Variants in STXBP5L observed in about 807,000 individuals in gnomAD.
The protein encoded by STXBP5L is syntaxin binding protein 5L.
Under a neutral mutation model 144.5 loss-of-function variants are expected in STXBP5L, and 65 were observed. That is an observed-to-expected ratio of 0.45 (90% CI 0.37 to 0.55). The LOEUF (loss-of-function observed/expected upper bound fraction) is 0.55, where lower values mean the gene tolerates loss of function less well. Among genes scored for constraint, STXBP5L ranks in the 20% least tolerant of loss-of-function variants. The pLI is 0.00. For missense variants in STXBP5L, 1,298 were observed against 1,405.5 expected (o/e 0.92, Z 1.22); for synonymous variants, 505 against 469.6 (o/e 1.08, Z -0.97).
At chr3:120,918,215 C>G (rs936478602) in intron 2 of STXBP5L, among the ~76,000 whole-genome samples, 1 of 152,156 alleles carries the variant, frequency 6.6e-6, no homozygotes, top group Non-Finnish European at 1.5e-5. Context: ...ACATTGGGCC[C>G]ACCAGGATAA....
chr3:121,125,003 GATT>G (rs2044640349), intron 7 of STXBP5L, among the ~76,000 whole-genome samples: 3 of 152,038 alleles, frequency 2.0e-5, no homozygotes, highest in African/African-American at 4.8e-5. Flanking sequence ...CATGTATCAA[GATT>G]ATTATTTCTT....
At chr3:121,299,332 G>A (rs142127444) in intron 19 of STXBP5L, among the ~76,000 whole-genome samples, 4 of 152,188 alleles carry the variant, frequency 2.6e-5, no homozygotes, top group Admixed American at 2.0e-4. Context: ...GAGGATAAAG[G>A]TTTCATATTC....
intron 9 of STXBP5L, chr3:121,158,747 T>C (rs1233733052): frequency 6.6e-6 from 1 of 152,214 alleles, no homozygotes; most frequent in Admixed American, 6.5e-5. Context: ...CCAATACTCA[T>C]GCCTTTTATA....
chr3:121,341,964 A>G (rs2044729741), intron 20 of STXBP5L, among the ~76,000 whole-genome samples: 1 of 152,146 alleles, frequency 6.6e-6, no homozygotes, highest in South Asian at 2.1e-4. Context: ...AATTTATTGT[A>G]TATTTTAGAA....
At chr3:121,032,552 A>G (rs1397053183) in intron 3 of STXBP5L, among the ~76,000 whole-genome samples, 6 of 150,350 alleles carry the variant, frequency 4.0e-5, no homozygotes, top group Non-Finnish European at 8.9e-5. Flanking sequence ...AATGGCAACA[A>G]AAGCCAAAAT....
intron 22 of STXBP5L, among the ~76,000 whole-genome samples, chr3:121,390,095 GA>G (rs1219642247): frequency 1.3e-5 from 2 of 152,120 alleles, no homozygotes; most frequent in Non-Finnish European, 2.9e-5. Flanking sequence ...ATATATTTAG[GA>G]AAGTTAGCTC....
intron 3 of STXBP5L, among the ~76,000 whole-genome samples, chr3:121,007,371 GTTA>G (rs1413338187): frequency 6.6e-6 from 1 of 151,858 alleles, no homozygotes; most frequent in Non-Finnish European, 1.5e-5. Flanking sequence ...GGCTGGTGTA[GTTA>G]TTAATAAAAT....
chr3:120,970,566 TATG>T (rs1393416627), intron 3 of STXBP5L, among the ~76,000 whole-genome samples: 1 of 152,142 alleles, frequency 6.6e-6, no homozygotes, highest in Non-Finnish European at 1.5e-5. Context: ...TGCTGTTCAA[TATG>T]ATGTTTCTTT....
chr3:121,254,095 A>G (rs2050130666), intron 15 of STXBP5L, among the ~76,000 whole-genome samples: 1 of 152,058 alleles, frequency 6.6e-6, no homozygotes, highest in African/African-American at 2.4e-5. Flanking sequence ...CAGGCCGGTT[A>G]TTTTATAGAA....
rs1308363157 is a variant in STXBP5L, at chr3:121,206,935, T to A, written c.956+934T>A. On this transcript the variant is annotated intron_variant, in intron 10 of 26. Coordinates refer to ENST00000471454, the MANE Select transcript of STXBP5L (RefSeq NM_001308330.2). ...ATAAATCTTGCCTAAACATTAAATTTATTTTAATTCAAATTAAATAATCCT... is the reference window on the plus strand; with the variant it reads ...ATAAATCTTGCCTAAACATTAAATTAATTTTAATTCAAATTAAATAATCCT... 4.6e-5 allele frequency among the ~76,000 whole-genome samples: 7 copies of A among 152,354 alleles called. No homozygotes were observed. The South Asian group carries it at 1.5e-3, about 32-fold the overall frequency.
At chr3:121,252,644 C>T (rs750566637) in intron 15 of STXBP5L, among the ~76,000 whole-genome samples, 20 of 152,150 alleles carry the variant, frequency 1.3e-4, no homozygotes, top group Non-Finnish European at 2.5e-4. Context: ...CTGTCTAATA[C>T]AGAAAGCAAA....
intron 5 of STXBP5L, among the ~76,000 whole-genome samples, chr3:121,107,046 A>G (rs556972749): frequency 1.3e-5 from 2 of 150,708 alleles, no homozygotes; most frequent in African/African-American, 4.9e-5. Context: ...TTATCTTTGG[A>G]GAAGTTTCTG....
At chr3:121,183,570 A>G (rs910300864) in intron 9 of STXBP5L, among the ~76,000 whole-genome samples, 2 of 151,568 alleles carry the variant, frequency 1.3e-5, no homozygotes, top group Non-Finnish European at 1.5e-5. Flanking sequence ...ACAAAGAGAG[A>G]AAGAAAAATT....
chr3:120,978,496 T>A (rs1287899554), intron 3 of STXBP5L, among the ~76,000 whole-genome samples: 1 of 152,214 alleles, frequency 6.6e-6, no homozygotes, highest in African/African-American at 2.4e-5. Flanking sequence ...TTGAATTTCC[T>A]CCTGTAGCTC....
chr3:121,364,115 T>C (rs1473002407), intron 20 of STXBP5L, among the ~76,000 whole-genome samples: 1 of 152,206 alleles, frequency 6.6e-6, no homozygotes, highest in Admixed American at 6.5e-5. Context: ...TTACCAAATG[T>C]AATGTCATTA....
intron 7 of STXBP5L, among the ~76,000 whole-genome samples, chr3:121,143,240 C>T (rs554263153): frequency 2.0e-5 from 3 of 150,346 alleles, no homozygotes; most frequent in African/African-American, 7.3e-5. Context: ...CTCAGGATGG[C>T]TTCACTAGTG....
At chr3:121,054,231 C>T (rs1219456871) in intron 5 of STXBP5L, among the ~76,000 whole-genome samples, 1 of 152,008 alleles carries the variant, frequency 6.6e-6, no homozygotes, top group Non-Finnish European at 1.5e-5. Context: ...CCCAGCCATC[C>T]CATTACTGGG....
intron 3 of STXBP5L, among the ~76,000 whole-genome samples, chr3:121,031,414 A>ATCAG (rs1292102359): frequency 6.6e-6 from 1 of 151,624 alleles, no homozygotes; most frequent in Non-Finnish European, 1.5e-5. Context: ...CAATCAATCA[A>ATCAG]TCAACTATCT....
At chr3:121,413,670 AG>A (rs2047171700) in intron 24 of STXBP5L, among the ~76,000 whole-genome samples, 1 of 152,158 alleles carries the variant, frequency 6.6e-6, no homozygotes, top group African/African-American at 2.4e-5. Context: ...ATACCATTCA[AG>A]GAGTTCAAGA....
Sources: allele counts gnomAD v4.1 joint callset (sites outside exome capture counted in the v4.1 genomes callset), GRCh38; gene constraint gnomAD v4.1.1; transcripts MANE v1.5; gene names NCBI Gene and HGNC (gene_info 2026-07-23, HGNC 2026-07-21).